TENM3: variants seen among roughly 807,000 people sequenced by gnomAD.
TENM3 encodes teneurin-3.
Under a neutral mutation model 255.1 loss-of-function variants are expected in TENM3, and 63 were observed. The ratio of observed to expected loss-of-function variants is 0.25; its 90% CI spans 0.20 to 0.30. The LOEUF (loss-of-function observed/expected upper bound fraction) is 0.30, where lower values mean the gene tolerates loss of function less well. Ranked by LOEUF, TENM3 falls within the 10% of genes least tolerant of loss-of-function variation. The probability of loss-of-function intolerance (pLI) is 1.00; values close to 1 mark genes in which losing one functional copy is unlikely to be tolerated. For synonymous variants in TENM3, 1,306 were observed against 1,322.3 expected (o/e 0.99, Z 0.27); for missense variants, 2,929 against 3,461.1 (o/e 0.85, Z 3.86).
chr4:181,488,967 A>G, the TENM3 span, among the ~76,000 whole-genome samples: 2 of 152,188 alleles, frequency 1.3e-5, no homozygotes, highest in Non-Finnish European at 2.9e-5. Context: ...TCTTCTTGCC[A>G]TGGCTGCCTT....
At chr4:182,673,650 T>C (rs1755410046) in intron 7 of TENM3, among the ~76,000 whole-genome samples, 2 of 152,204 alleles carry the variant, frequency 1.3e-5, no homozygotes, top group Admixed American at 1.3e-4. Context: ...TTCCTCTTAG[T>C]AGAGAAATGA....
At chr4:182,680,190 T>C (rs754938859) in intron 8 of TENM3, 58 bp from the exon 9 acceptor site, 1 of 1,229,356 alleles carries the variant, frequency 8.1e-7, no homozygotes, top group Non-Finnish European at 1.2e-6. Context: ...GTGATACCGT[T>C]TATCTTTTGC....
chr4:181,632,232 T>G, the TENM3 span, among the ~76,000 whole-genome samples: 1 of 151,060 alleles, frequency 6.6e-6, no homozygotes. Flanking sequence ...GAGAGTGGAG[T>G]GGGGAAGTGC....
chr4:181,477,830 G>A, the TENM3 span, among the ~76,000 whole-genome samples: 132 of 152,182 alleles, frequency 8.7e-4, no homozygotes, highest in African/African-American at 2.7e-3. Context: ...TCTGAATCAC[G>A]TGAATACTTA....
the TENM3 span, among the ~76,000 whole-genome samples, chr4:181,783,956 C>T: frequency 6.6e-6 from 1 of 152,186 alleles, no homozygotes; most frequent in African/African-American, 2.4e-5. Flanking sequence ...CAGCCTTGGC[C>T]TCCCAAAGCC....
At chr4:182,725,828 G>C (rs542487096) in intron 13 of TENM3, among the ~76,000 whole-genome samples, 1 of 151,648 alleles carries the variant, frequency 6.6e-6, no homozygotes, top group African/African-American at 2.4e-5. Flanking sequence ...AGTAGAGACG[G>C]GGTTTCACCA....
the TENM3 span, among the ~76,000 whole-genome samples, chr4:182,053,867 C>T: frequency 6.6e-6 from 1 of 152,046 alleles, no homozygotes; most frequent in Non-Finnish European, 1.5e-5. Context: ...AAATCCCAGG[C>T]CCCTGACAGC....
chr4:181,504,079 T>C, the TENM3 span, among the ~76,000 whole-genome samples: 4 of 152,234 alleles, frequency 2.6e-5, no homozygotes, highest in Non-Finnish European at 5.9e-5. Flanking sequence ...TGGTTTACAC[T>C]GGAGCCGCAC....
chr4:182,154,081 A>G (rs1750527528), intron 1 of TENM3, among the ~76,000 whole-genome samples: 1 of 152,058 alleles, frequency 6.6e-6, no homozygotes. Flanking sequence ...TAAGTCTGGA[A>G]CATAATCACT....
the TENM3 span, among the ~76,000 whole-genome samples, chr4:181,626,514 G>A: frequency 6.6e-6 from 1 of 152,034 alleles, no homozygotes; most frequent in African/African-American, 2.4e-5. Flanking sequence ...TTACAATCAT[G>A]GCGGAAGGGG....
chr4:181,697,555 G>A, the TENM3 span, among the ~76,000 whole-genome samples: 9 of 151,796 alleles, frequency 5.9e-5, no homozygotes, highest in Non-Finnish European at 1.3e-4. Flanking sequence ...TACCACACCC[G>A]GCTAATTTTT....
At chr4:182,594,389 A>T (rs1746973704) in intron 3 of TENM3, among the ~76,000 whole-genome samples, 1 of 152,082 alleles carries the variant, frequency 6.6e-6, no homozygotes. Flanking sequence ...TTAGCTGGGC[A>T]TGGTGGCACA....
the TENM3 span, among the ~76,000 whole-genome samples, chr4:182,129,131 C>T: frequency 6.6e-6 from 1 of 152,164 alleles, no homozygotes; most frequent in East Asian, 1.9e-4. Context: ...AAGTATATGA[C>T]TATTAAGTCG....
At chr4:182,109,601 T>C in the TENM3 span, among the ~76,000 whole-genome samples, 3 of 152,298 alleles carry the variant, frequency 2.0e-5, no homozygotes, top group Middle Eastern at 3.4e-3. Context: ...CAGATATGTC[T>C]ATAGTAAAGT....
chr4:181,820,806 G>T, the TENM3 span, among the ~76,000 whole-genome samples: 2 of 152,168 alleles, frequency 1.3e-5, no homozygotes, highest in East Asian at 1.9e-4. Flanking sequence ...GCCAGTGGCA[G>T]CACATGTGGT....
intron 3 of TENM3, among the ~76,000 whole-genome samples, chr4:182,367,538 A>C (rs1346053840): frequency 1.3e-5 from 2 of 152,158 alleles, no homozygotes; most frequent in African/African-American, 4.8e-5. Context: ...AGAAGGAACA[A>C]GTGGTAGCAG....
the TENM3 span, among the ~76,000 whole-genome samples, chr4:181,650,883 C>A: frequency 6.6e-6 from 1 of 152,094 alleles, no homozygotes; most frequent in African/African-American, 2.4e-5. Flanking sequence ...CCCTTTGAGT[C>A]CTGTTCGAAT....
chr4:182,070,490 G>T, the TENM3 span, among the ~76,000 whole-genome samples: 1 of 152,058 alleles, frequency 6.6e-6, no homozygotes, highest in African/African-American at 2.4e-5. Context: ...AGCGGCACAC[G>T]CCTATAATCC....
chr4:182,476,470 A>T (rs1733692971), intron 3 of TENM3, among the ~76,000 whole-genome samples: 1 of 152,294 alleles, frequency 6.6e-6, no homozygotes, highest in East Asian at 1.9e-4. Context: ...GAGTTAGAAA[A>T]TGTTTATTTT....
Sources: allele counts gnomAD v4.1 joint callset (sites outside exome capture counted in the v4.1 genomes callset), GRCh38; gene constraint gnomAD v4.1.1; transcripts MANE v1.5; gene names NCBI Gene and HGNC (gene_info 2026-07-23, HGNC 2026-07-21).